Variants in WHRN observed in about 807,000 individuals in gnomAD.
WHRN encodes the protein whirlin, also known as CASK-interacting protein CIP98.
WHRN carries 41 observed loss-of-function variants against 68.3 expected under a neutral mutation model. That is an observed-to-expected ratio of 0.60 (90% CI 0.47 to 0.78). The LOEUF is 0.78. WHRN is among the 30% of genes least tolerant of loss of function. The pLI is 0.00. For synonymous variants in WHRN, 560 were observed against 561.3 expected (o/e 1.00, Z 0.03); for missense variants, 1,243 against 1,244.7 (o/e 1.00, Z 0.02).
chr9:114,455,795 G>T (rs555587162), intron 3 of WHRN, among the ~76,000 whole-genome samples: 1 of 151,930 alleles, frequency 6.6e-6, no homozygotes, highest in South Asian at 2.1e-4. Flanking sequence ...ACTTATGATG[G>T]TGTTATATCT....
chr9:114,445,668 C>T (rs371891529), intron 3 of WHRN, among the ~76,000 whole-genome samples: 1 of 152,140 alleles, frequency 6.6e-6, no homozygotes, highest in Admixed American at 6.5e-5. Context: ...TCTAGGCCCT[C>T]GGTAGATATG....
rs978145075 is a variant in WHRN, at chr9:114,434,504, C to A, written c.964-8091G>T. Among the ~76,000 whole-genome samples, 3 of 143,706 alleles carry A rather than the reference C, an allele frequency of 2.1e-5. No individual in the cohort carries two copies. In the Admixed American group the frequency reaches 2.1e-4, roughly 10 times the overall value. 94.3% of individuals were successfully genotyped at this position (143,706 alleles called of 152,430 possible). ...CCATCCTGAACAAGCCTAAACACAG[C>A]CCCAGATCAAACCCCTGACCTTTCC... On this transcript the variant is annotated intron_variant, in intron 3 of 11. Coordinates refer to ENST00000362057, the MANE Select transcript of WHRN (RefSeq NM_015404.4).
chr9:114,482,144 G>C (rs1020484905), intron 1 of WHRN, among the ~76,000 whole-genome samples: 7 of 152,072 alleles, frequency 4.6e-5, no homozygotes, highest in African/African-American at 1.4e-4. Flanking sequence ...CCTGGTGAGA[G>C]ACAAGGCATC....
intron 1 of WHRN, chr9:114,503,157 T>C: frequency 1.0e-6 from 1 of 985,530 alleles, no homozygotes; most frequent in Non-Finnish European, 1.2e-6. Flanking sequence ...CGTGGGCCTC[T>C]GCTGCCTAGG....
chr9:114,481,196 G>T (rs911537633), intron 1 of WHRN, among the ~76,000 whole-genome samples: 2 of 152,208 alleles, frequency 1.3e-5, no homozygotes, highest in African/African-American at 4.8e-5. Context: ...AGGCCTGCGG[G>T]AAGAGGCAAG....
chr9:114,434,357 G>A (rs1225529576), intron 3 of WHRN, among the ~76,000 whole-genome samples: 1 of 152,136 alleles, frequency 6.6e-6, no homozygotes, highest in Non-Finnish European at 1.5e-5. Flanking sequence ...TGCAATAATG[G>A]AAATGTTCTA....
At chr9:114,472,175 T>C (rs1168876405) in intron 2 of WHRN, among the ~76,000 whole-genome samples, 2 of 152,220 alleles carry the variant, frequency 1.3e-5, no homozygotes, top group Non-Finnish European at 1.5e-5. Flanking sequence ...CCACCCTTGC[T>C]CCTGCCATCT....
At chr9:114,498,246 G>A (rs1215822394) in intron 1 of WHRN, among the ~76,000 whole-genome samples, 2 of 152,184 alleles carry the variant, frequency 1.3e-5, no homozygotes, top group Non-Finnish European at 2.9e-5. Flanking sequence ...TGTAATGGGG[G>A]AGGCAGACCA....
rs1272517473 is a variant in WHRN, at chr9:114,504,782, C to G, written c.20G>C (p.Gly7Ala). ...GGTGGAGGACGAGCTCACCGACAGG[C>G]CGTCCAGCGGCGCGTTCATCTCCAC... is the stretch of plus-strand genomic sequence containing the variant. MNAPLDGLSVSSSSTGS... is the reference protein window; with the variant it reads MNAPLDALSVSSSSTGS... Residue 7 changes from glycine (G) to alanine (A), a missense_variant, in exon 1 of 12, where the codon GGC becomes GCC. Physicochemically the swap from Gly to Ala is moderately conservative, Grantham distance 60 (BLOSUM62 0). Transcript: ENST00000362057. 1.6e-5 allele frequency: 23 copies of G among 1,473,224 alleles called. No homozygotes were observed. The highest frequency in any genetic ancestry group is 2.9e-5 in the African/African-American group (2 of 67,832). The allele number at this position is 1,473,224 out of a possible 1,614,324, so 91.3% of individuals were successfully genotyped here. A position where few individuals can be genotyped will look rare whatever the true frequency, so the allele number is the denominator to read the frequency against.
At position 114,504,703 on chromosome 9, in the gene WHRN, C is replaced by A. The variant is rs1239459878; in HGVS notation, c.99G>T (p.Arg33=). 3 of 1,545,458 alleles carry A rather than the reference C, an allele frequency of 1.9e-6. No individual in the cohort carries two copies. The highest frequency in any genetic ancestry group is 2.8e-5 in the African/African-American group (2 of 71,830). The change falls in exon 1 of 12, where the codon CGG becomes CGT. Residue 33 remains arginine, a synonymous_variant. Coordinates refer to ENST00000362057, the MANE Select transcript of WHRN (RefSeq NM_015404.4). ...GAGGGGGAGL[R]LLSANVRQLH... Reference sequence around the variant, plus strand: ...GCTGGCGCACGTTGGCAGACAGTAACCGCAGCCCCGCGCCCCCGCCGCCGC... The same window carrying A: ...GCTGGCGCACGTTGGCAGACAGTAAACGCAGCCCCGCGCCCCCGCCGCCGC...
chr9:114,424,955 GA>G, intron 5 of WHRN, 32 bp downstream of exon 5: 7 of 1,611,332 alleles, frequency 4.3e-6, no homozygotes, highest in Non-Finnish European at 5.9e-6. Flanking sequence ...GAGCTGTGAG[GA>G]AGCAGAGAAT....
At chr9:114,419,431 C>T (rs747471193) in intron 7 of WHRN, among the ~76,000 whole-genome samples, 3 of 152,208 alleles carry the variant, frequency 2.0e-5, no homozygotes, top group Admixed American at 6.5e-5. Flanking sequence ...CAATGGTAAC[C>T]GCACGTGCGA....
chr9:114,457,084 T>C (rs1001812007), intron 3 of WHRN, among the ~76,000 whole-genome samples: 4 of 152,194 alleles, frequency 2.6e-5, no homozygotes, highest in Non-Finnish European at 1.5e-5. Flanking sequence ...CGGGTATGTG[T>C]GCATGCATGA....
intron 7 of WHRN, among the ~76,000 whole-genome samples, chr9:114,422,505 A>C (rs1836384345): frequency 6.6e-6 from 1 of 152,192 alleles, no homozygotes; most frequent in Non-Finnish European, 1.5e-5. Context: ...TGAGATGGCC[A>C]GATGCTTTGC....
At chr9:114,424,812 G>T (rs1282204696) in intron 5 of WHRN, among the ~76,000 whole-genome samples, 176 bp downstream of exon 5, 1 of 152,206 alleles carries the variant, frequency 6.6e-6, no homozygotes, top group East Asian at 1.9e-4. Flanking sequence ...TGGTGCCAGA[G>T]GTAGTGCCCA....
chr9:114,442,296 T>C (rs182031900), intron 3 of WHRN, among the ~76,000 whole-genome samples: 73 of 152,350 alleles, frequency 4.8e-4, no homozygotes, highest in African/African-American at 1.7e-3. Context: ...GATTGGATAA[T>C]AGCATTGTAC....
At chr9:114,424,618 T>G (rs1380732737) in intron 5 of WHRN, 72 bp from the exon 6 acceptor site, 1 of 1,473,324 alleles carries the variant, frequency 6.8e-7, no homozygotes, top group Admixed American at 2.0e-5. Context: ...CCACTCCCCC[T>G]CTGCCCTTCC....
rs1465444730 is a variant in WHRN, at chr9:114,504,453, G to T, written c.349C>A (p.Pro117Thr). ...DQYTAEGLYL[P>T]ATTPYRQPAW... The stretch of plus-strand genomic sequence containing the variant: ...GGCTGCCTGTAGGGGGTGGTGGCGG[G>T]CAGGTAGAGGCCCTCGGCCGTGTAT... Residue 117 changes from proline to threonine, a missense_variant, in exon 1 of 12, where the codon CCC (proline) becomes ACC (threonine). By Grantham distance (38) the Pro-to-Thr change is conservative. Coordinates refer to ENST00000362057, the MANE Select transcript of WHRN (RefSeq NM_015404.4). 1 of 1,607,542 alleles carries T rather than the reference G, an allele frequency of 6.2e-7. No individual in the cohort carries two copies. The highest frequency in any genetic ancestry group is 1.3e-5 in the African/African-American group (1 of 75,052).
At chr9:114,469,309 G>T (rs9657661) in intron 2 of WHRN, among the ~76,000 whole-genome samples, 23 of 152,212 alleles carry the variant, frequency 1.5e-4, no homozygotes, top group Admixed American at 9.2e-4. Context: ...TCCATCTACA[G>T]GCTTTCGAGC....
Sources: gnomAD v4.1 joint callset for allele counts (sites outside exome capture counted in the v4.1 genomes callset) on GRCh38, gnomAD v4.1.1 for gene constraint, MANE v1.5 for transcripts, NCBI Gene and HGNC (gene_info 2026-07-23, HGNC 2026-07-21) for gene names.